The following HCN4 variants were observed in gnomAD, a reference collection of about 807,000 sequenced individuals.
HCN4 encodes potassium/sodium hyperpolarization-activated cyclic nucleotide-gated channel 4.
Under a neutral mutation model 76.9 loss-of-function variants are expected in HCN4, and 29 were observed. That is an observed-to-expected ratio of 0.38 (90% CI 0.28 to 0.51). The LOEUF (loss-of-function observed/expected upper bound fraction) is 0.51. Ranked by LOEUF, HCN4 falls within the 20% of genes least tolerant of loss-of-function variation. The pLI is 0.90. For missense variants in HCN4, 1,416 were observed against 1,715.2 expected, an observed-to-expected ratio of 0.83 and a Z score of 3.08; for synonymous variants, 772 against 762.5, an observed-to-expected ratio of 1.01 and a Z score of -0.21.
chr15:73,346,628 T>G (rs150281584), intron 1 of HCN4, among the ~76,000 whole-genome samples: 1 of 152,086 alleles, frequency 6.6e-6, no homozygotes, highest in African/African-American at 2.4e-5. Flanking sequence ...CAGAGACTCA[T>G]GGTCTGGTCA....
At chr15:73,324,558 C>T (rs578203637) in intron 6 of HCN4, among the ~76,000 whole-genome samples, 9 of 152,278 alleles carry the variant, frequency 5.9e-5, no homozygotes, top group African/African-American at 1.4e-4. Flanking sequence ...GATTAGATCA[C>T]GAGGGTGGAG....
At chr15:73,345,561 G>A (rs1365736921) in intron 1 of HCN4, among the ~76,000 whole-genome samples, 4 of 152,152 alleles carry the variant, frequency 2.6e-5, no homozygotes, top group Non-Finnish European at 5.9e-5. Context: ...ATGGGCCCCA[G>A]GAGGATGGTT....
At chr15:73,360,410 G>T (rs996394742) in intron 1 of HCN4, among the ~76,000 whole-genome samples, 1 of 152,126 alleles carries the variant, frequency 6.6e-6, no homozygotes, top group East Asian at 1.9e-4. Flanking sequence ...CCAGGCCAGC[G>T]GCTTGCTAAG....
Position 73,367,725 on chromosome 15 carries a change from G to A in HCN4, c.546C>T (p.Pro182=), listed in dbSNP as rs571671463. ...CCACTTTGATAGCGGTGTCCACCGA[G>A]GGCTGCTCGCAGGAGGCGGAGGCCG... ...PQPASASCEQ[P]SVDTAIKVEG... Residue 182 remains proline (P), a synonymous_variant, in exon 1 of 8, where the codon CCC becomes CCT. Transcript: ENST00000261917. The surrounding 1 kb of genome is among the most constrained non-coding windows in gnomAD (Gnocchi z 7.5). 6.3e-7 allele frequency: 1 copy of A among 1,593,394 alleles called. No individual in the cohort carries two copies.
rs1309151700 is a variant in HCN4, at chr15:73,328,665, C to G, written c.1590+908G>C. ...CGCTGTGGAGGCACAGGCCCACGCT[C>G]AAACAGAGCTCGGCAGCAGAGAAGC... On this transcript the variant is annotated intron_variant, in intron 4 of 7. Coordinates refer to ENST00000261917, the MANE Select transcript of HCN4 (RefSeq NM_005477.3). The surrounding 1 kb of genome is among the most constrained non-coding windows in gnomAD (Gnocchi z 4.0). Among the ~76,000 whole-genome samples the G allele has an allele frequency of 2.0e-5, 3 of 150,900 alleles. No homozygotes were observed. Among genetic ancestry groups the G allele is most frequent in the African/African-American group, 7.4e-5 (3 of 40,316 alleles).
Position 73,322,977 on chromosome 15 carries a change from G to A in HCN4, c.3116C>T (p.Pro1039Leu), listed in dbSNP as rs572132730. 21 of 1,442,276 alleles carry A rather than the reference G, an allele frequency of 1.5e-5. No individual in the cohort carries two copies. The South Asian group carries it at 1.6e-4, about 11-fold the overall frequency. The allele number at this position is 1,442,276 out of a possible 1,614,324, so 89.3% of individuals were successfully genotyped here. The change falls in exon 8 of 8, where the codon CCG becomes CTG. Residue 1039 changes from proline (P) to leucine (L), a missense_variant. Physicochemically the swap from Pro to Leu is moderately conservative, Grantham distance 98. Coordinates refer to ENST00000261917, the MANE Select transcript of HCN4 (RefSeq NM_005477.3). ...GHSPGPPRTF[P>L]SAPPRASGSH... ...GCCAGAGGCCCGGGGCGGGGCACTCGGGAAGGTTCTTGGGGGGCCTGGGCT... is the reference window on the plus strand; with the variant it reads ...GCCAGAGGCCCGGGGCGGGGCACTCAGGAAGGTTCTTGGGGGGCCTGGGCT...
Position 73,321,077 on chromosome 15 carries a change from A to G in HCN4, c.*1404T>C, listed in dbSNP as rs1226012583. On this transcript the variant is annotated 3_prime_UTR_variant, in exon 8 of 8. Transcript: ENST00000261917. The stretch of plus-strand genomic sequence containing the variant: ...AGGCGCTGGGCTGGGCATTTCACAT[A>G]TAGATTTTTCTCATCTGGTCCTCAT... 1 of 152,206 alleles carries G rather than the reference A, an allele frequency of 6.6e-6. No homozygotes were observed. The highest frequency in any genetic ancestry group is 1.5e-5 in the Non-Finnish European group (1 of 68,050). The allele number at this position is 152,206 out of a possible 1,614,324, so 9.4% of individuals were successfully genotyped here.
At chr15:73,353,047 T>TGGATGGAC (rs1555477982) in intron 1 of HCN4, among the ~76,000 whole-genome samples, 2 of 138,922 alleles carry the variant, frequency 1.4e-5, no homozygotes, top group East Asian at 1.9e-4. Context: ...GATGGATGGA[T>TGGATGGAC]GGACGGACGG....
At chr15:73,327,643 G>C (rs1480718015) in intron 4 of HCN4, among the ~76,000 whole-genome samples, 1 of 151,968 alleles carries the variant, frequency 6.6e-6, no homozygotes, top group African/African-American at 2.4e-5. Context: ...ACTAAGCCCT[G>C]ACCTTTGTAG....
chr15:73,329,533 G>T, intron 4 of HCN4, 40 bp downstream of exon 4: 2 of 1,585,890 alleles, frequency 1.3e-6, no homozygotes, highest in Non-Finnish European at 8.7e-7. Context: ...GCTCCCTCTT[G>T]GGAGGGACCA....
At chr15:73,355,337 C>T (rs957212623) in intron 1 of HCN4, among the ~76,000 whole-genome samples, 2 of 152,166 alleles carry the variant, frequency 1.3e-5, no homozygotes, top group Non-Finnish European at 2.9e-5. Flanking sequence ...TGGCACAACA[C>T]GAGGATGGAG....
Position 73,368,055 on chromosome 15 carries a change from G to C in HCN4, c.216C>G (p.Leu72=), listed in dbSNP as rs1368728523. ...AGGTESRSSA[L]GAADSEGPAR... ...CCGGCCCTTCGCTGTCCGCTGCCCC[G>C]AGGGCCGAGCTCCGGGACTCCGTGC... Residue 72 remains leucine, a synonymous_variant, in exon 1 of 8, where the codon CTC becomes CTG. Coordinates refer to ENST00000261917, the MANE Select transcript of HCN4 (RefSeq NM_005477.3). This position sits in a 1 kb window ranked among gnomAD's most constrained non-coding sequence, Gnocchi z 6.9. 5 of 1,477,602 alleles carry C rather than the reference G, an allele frequency of 3.4e-6. No individual in the cohort carries two copies. The highest frequency in any genetic ancestry group is 4.5e-6 in the Non-Finnish European group (5 of 1,120,042). The allele number at this position is 1,477,602 out of a possible 1,614,324, so 91.5% of individuals were successfully genotyped here. A position where few individuals can be genotyped will look rare whatever the true frequency, so the allele number is the denominator to read the frequency against.
chr15:73,333,769 A>G (rs76217278), intron 2 of HCN4, among the ~76,000 whole-genome samples: 1 of 152,336 alleles, frequency 6.6e-6, no homozygotes, highest in East Asian at 1.9e-4. Context: ...GACTGTGGAC[A>G]TGAAATTCCA....
rs41279186 is a variant in HCN4 at position 73,325,463 on chromosome 15, G to T, written c.1591-19C>A. 0.012 allele frequency: 18,661 copies of T among 1,613,398 alleles called. 131 individuals are homozygous for T. The highest frequency in any genetic ancestry group is 0.014 in the Non-Finnish European group (16,849 of 1,179,684). ...GCTTGTACTGAGGCCGGGAGAAGGGGGCGTCAGCTCCACCCCACCAGGGGG... is the reference window on the plus strand; with the variant it reads ...GCTTGTACTGAGGCCGGGAGAAGGGTGCGTCAGCTCCACCCCACCAGGGGG... On this transcript the variant is annotated intron_variant, in intron 4 of 7. Transcript: ENST00000261917. This position sits in a 1 kb window ranked among gnomAD's most constrained non-coding sequence, Gnocchi z 7.4.
chr15:73,329,470 G>T (rs2042919494), intron 4 of HCN4, 103 bp downstream of exon 4: 3 of 1,029,626 alleles, frequency 2.9e-6, no homozygotes, highest in Non-Finnish European at 4.4e-6. Flanking sequence ...CCGATCCTGT[G>T]GGGTGGGAGC....
Position 73,351,222 on chromosome 15 carries a change from G to C in HCN4, c.786-7414C>G, listed in dbSNP as rs76868229. Among the ~76,000 whole-genome samples, 770 of 151,946 alleles carry C rather than the reference G, an allele frequency of 5.1e-3. 5 individuals carry two copies. Among genetic ancestry groups the C allele is most frequent in the African/African-American group, 0.017 (702 of 41,426 alleles). ...TCCCTTGAACGGCCTCCTTTCCCTC[G>C]GCATGACCTTTCCATGTTTTTGCTC... On this transcript the variant is annotated intron_variant, in intron 1 of 7. Coordinates refer to ENST00000261917, the MANE Select transcript of HCN4 (RefSeq NM_005477.3).
In HCN4 at chr15:73,368,320, G is replaced by A. The variant is rs1050820172; in HGVS notation, c.-50C>T. The A allele has an allele frequency of 5.9e-6, 8 of 1,350,952 alleles. No homozygotes were observed. Among genetic ancestry groups the A allele is most frequent in the Admixed American group, 5.9e-5 (2 of 33,794 alleles). 83.7% of individuals were successfully genotyped at this position (1,350,952 alleles called of 1,614,324 possible). On this transcript the variant is annotated 5_prime_UTR_variant, in exon 1 of 8. Coordinates refer to ENST00000261917, the MANE Select transcript of HCN4 (RefSeq NM_005477.3). The surrounding 1 kb of genome is among the most constrained non-coding windows in gnomAD (Gnocchi z 6.9). ...GGGCCGGGGGCAGGAGCGCGGCGCCGCGGACGGGCTCCAGGTCCGCCCGCC... is the reference window on the plus strand; with the variant it reads ...GGGCCGGGGGCAGGAGCGCGGCGCCACGGACGGGCTCCAGGTCCGCCCGCC...
chr15:73,345,376 G>A (rs1383098853), intron 1 of HCN4, among the ~76,000 whole-genome samples: 2 of 152,084 alleles, frequency 1.3e-5, no homozygotes, highest in Non-Finnish European at 2.9e-5. Flanking sequence ...GCCTTATGGG[G>A]GATAAGGCCG....
chr15:73,325,237 AGGGGAGCTGGCTG>A lies in HCN4; in HGVS notation c.1737+48_1738-43del. 1.2e-6 allele frequency: 2 copies of A among 1,614,014 alleles called. No individual in the cohort carries two copies. The highest frequency in any genetic ancestry group is 1.7e-6 in the Non-Finnish European group (2 of 1,179,954). On this transcript the variant is annotated intron_variant, in intron 5 of 7. Coordinates refer to ENST00000261917, the MANE Select transcript of HCN4 (RefSeq NM_005477.3). The surrounding 1 kb of genome is among the most constrained non-coding windows in gnomAD (Gnocchi z 7.4). ...ATTGGGACACGGGAAGGAGGTGGTG[AGGGGAGCTGGCTG>A]CCAGGAAGGCCTGGCTCCCCTCCAC...
Sources: allele counts gnomAD v4.1 joint callset (sites outside exome capture counted in the v4.1 genomes callset), GRCh38; gene constraint gnomAD v4.1.1; non-coding constraint Gnocchi (gnomAD v3.1); transcripts MANE v1.5; gene names NCBI Gene and HGNC (gene_info 2026-07-23, HGNC 2026-07-21).